The following KCNQ4 variants were observed in gnomAD, a reference collection of about 807,000 sequenced individuals.
KCNQ4 encodes the protein potassium voltage-gated channel subfamily Q member 4.
Under a neutral mutation model 72.6 loss-of-function variants are expected in KCNQ4, and 31 were observed. The observed-to-expected ratio is 0.43, with a 90% CI of 0.32 to 0.58. KCNQ4 has a LOEUF of 0.58. Among genes scored for constraint, KCNQ4 ranks in the 20% least tolerant of loss-of-function variants. The pLI, the probability that KCNQ4 is intolerant of heterozygous loss-of-function variation, is 0.08. For missense variants in KCNQ4, 869 were observed against 962.6 expected, an observed-to-expected ratio of 0.90 and a Z score of 1.29; for synonymous variants, 405 against 403.7, an observed-to-expected ratio of 1.00 and a Z score of -0.04.
rs1285597991 is a variant in KCNQ4 at position 40,794,493 on chromosome 1, GGTCGA to G, written c.314+10090_314+10094del. On this transcript the variant is annotated intron_variant, in intron 1 of 13. Transcript: ENST00000347132. The surrounding 1 kb of genome is among the most constrained non-coding windows in gnomAD (Gnocchi z 4.2). ...ATACTAAGTTACACAGCTTGTCTGTGGTCGAGTCAAGACTCAAACCCATGTCGGCA... is the reference window on the plus strand; with the variant it reads ...ATACTAAGTTACACAGCTTGTCTGTGGTCAAGACTCAAACCCATGTCGGCA... 6.6e-6 allele frequency among the ~76,000 whole-genome samples: 1 copy of G among 152,204 alleles called. No homozygotes were observed. Among genetic ancestry groups the G allele is most frequent in the African/African-American group, 2.4e-5 (1 of 41,446 alleles).
rs754165873 is a variant in KCNQ4 at position 40,824,167 on chromosome 1, C to T, written c.1201C>T (p.Arg401Trp). Residue 401 changes from arginine to tryptophan, a missense_variant, in exon 9 of 14, where the codon CGG becomes TGG. Coordinates refer to ENST00000347132, the MANE Select transcript of KCNQ4 (RefSeq NM_004700.4). The part of the protein sequence containing the change: ...NGGLRPLEVR[R>W]APVPDGAPSR... ...GGGCCTACGGCCCCTGGAGGTGCGGCGGGCGCCGGTACCCGACGGAGCACC... is the reference window on the plus strand; with the variant it reads ...GGGCCTACGGCCCCTGGAGGTGCGGTGGGCGCCGGTACCCGACGGAGCACC... 1.2e-5 allele frequency: 18 copies of T among 1,555,630 alleles called. No homozygotes were observed. Among genetic ancestry groups the T allele is most frequent in the East Asian group, 4.9e-5 (2 of 41,146 alleles).
rs1648107233 is a variant in KCNQ4, at chr1:40,817,083, G to T, written c.315-182G>T. 6.6e-6 allele frequency among the ~76,000 whole-genome samples: 1 copy of T among 152,258 alleles called. No homozygotes were observed. The highest frequency in any genetic ancestry group is 2.1e-4 in the South Asian group (1 of 4,836). On this transcript the variant is annotated intron_variant, in intron 1 of 13. Coordinates refer to ENST00000347132, the MANE Select transcript of KCNQ4 (RefSeq NM_004700.4). This position sits in a 1 kb window ranked among gnomAD's most constrained non-coding sequence, Gnocchi z 5.5. ...TGTGAGGTCCAGTAGCTTGGGGCTT[G>T]AGGGCTGCTGCCTTTGGTGCCCAGC... is the stretch of plus-strand genomic sequence containing the variant.
In KCNQ4 at chr1:40,820,232, G is replaced by A. The variant is rs191761250; in HGVS notation, c.1013G>A (p.Arg338Gln). The A allele has an allele frequency of 9.6e-5, 154 of 1,609,070 alleles. No homozygotes were observed. Among genetic ancestry groups the A allele is most frequent in the Admixed American group, 1.3e-4 (8 of 59,480 alleles). ...CACCGGCAGAAGCACTTCGAGAAGC[G>A]GAGGATGCCGGCAGCCAACCTCATC... is the stretch of plus-strand genomic sequence containing the variant. ...EQHRQKHFEKRRMPAANLIQA... is the reference protein window; with the variant it reads ...EQHRQKHFEKQRMPAANLIQA... Residue 338 changes from arginine (R) to glutamine (Q), a missense_variant, in exon 7 of 14, where the codon CGG (arginine) becomes CAG (glutamine). Arg to Gln is a conservative substitution (Grantham distance 43). Around this residue, in one of 5 missense-constraint regions of KCNQ4, gnomAD observed 19 missense variants for 26.4 expected, o/e 0.72. Transcript: ENST00000347132.
intron 9 of KCNQ4, among the ~76,000 whole-genome samples, chr1:40,826,164 C>T (rs180732780): frequency 6.6e-6 from 1 of 152,350 alleles, no homozygotes; most frequent in Admixed American, 6.5e-5. Context: ...TATACACACT[C>T]GGTTGGCCAC....
rs1292743227 is a variant in KCNQ4, at chr1:40,784,247, C to T, written c.154C>T (p.Leu52=). 4.4e-6 allele frequency: 6 copies of T among 1,372,470 alleles called. No individual in the cohort carries two copies. The South Asian group carries it at 8.3e-5, about 19-fold the overall frequency. The allele number at this position is 1,372,470 out of a possible 1,614,324, so 85.0% of individuals were successfully genotyped here. A position where few individuals can be genotyped will look rare whatever the true frequency, so the allele number is the denominator to read the frequency against. The change falls in exon 1 of 14, where the codon CTG becomes TTG. Residue 52 remains leucine (L), a synonymous_variant. Transcript: ENST00000347132. The surrounding 1 kb of genome is among the most constrained non-coding windows in gnomAD (Gnocchi z 4.1). ...CCGCCTCGGCCTCCTGGGCAGCCCCCTGCCGCCGGGCGCGCCCCTCCCTGG... is the reference window on the plus strand; with the variant it reads ...CCGCCTCGGCCTCCTGGGCAGCCCCTTGCCGCCGGGCGCGCCCCTCCCTGG... ...PRRLGLLGSP[L]PPGAPLPGPG... is the part of the protein sequence containing the mutation.
Position 40,794,905 on chromosome 1 carries a change from G to A in KCNQ4, c.314+10498G>A, listed in dbSNP as rs1647364541. 1.4e-5 allele frequency among the ~76,000 whole-genome samples: 2 copies of A among 143,170 alleles called. No homozygotes were observed. Among genetic ancestry groups the A allele is most frequent in the African/African-American group, 5.1e-5 (2 of 39,402 alleles). The allele number at this position is 143,170 out of a possible 152,430, so 93.9% of individuals were successfully genotyped here. On this transcript the variant is annotated intron_variant, in intron 1 of 13. Coordinates refer to ENST00000347132, the MANE Select transcript of KCNQ4 (RefSeq NM_004700.4). This position sits in a 1 kb window ranked among gnomAD's most constrained non-coding sequence, Gnocchi z 4.2. ...GGGACAGAGGGATCAGGGGACAGAG[G>A]AGCCTCAGGTCCCGCACTTTGCAGT... is the stretch of plus-strand genomic sequence containing the variant.
At chr1:40,785,838 G>C (rs919888207) in intron 1 of KCNQ4, among the ~76,000 whole-genome samples, 6 of 152,052 alleles carry the variant, frequency 3.9e-5, no homozygotes, top group African/African-American at 1.5e-4. Flanking sequence ...CACAGGGAGG[G>C]GCAGGGGGGG....
intron 9 of KCNQ4, among the ~76,000 whole-genome samples, chr1:40,827,701 T>A (rs1648523842): frequency 6.6e-6 from 1 of 152,316 alleles, no homozygotes; most frequent in East Asian, 1.9e-4. Context: ...TGTTTTTTCC[T>A]AGAAACGTGG....
intron 1 of KCNQ4, among the ~76,000 whole-genome samples, chr1:40,786,230 G>A (rs556764132): frequency 1.5e-4 from 23 of 152,252 alleles, no homozygotes; most frequent in African/African-American, 4.8e-4. Flanking sequence ...CTTTTCCAAG[G>A]CATGGCAGGG....
intron 10 of KCNQ4, among the ~76,000 whole-genome samples, chr1:40,832,672 G>T (rs1424768561): frequency 6.6e-6 from 1 of 152,170 alleles, no homozygotes; most frequent in Non-Finnish European, 1.5e-5. Flanking sequence ...TTATCTCTGG[G>T]GCTCACTGTT....
At chr1:40,837,984 C>T (rs1192618472) in intron 13 of KCNQ4, among the ~76,000 whole-genome samples, 190 bp downstream of exon 13, 2 of 151,878 alleles carry the variant, frequency 1.3e-5, no homozygotes, top group Non-Finnish European at 2.9e-5. Flanking sequence ...CCTGCTAAGC[C>T]CCGCCCCCAG....
Position 40,788,716 on chromosome 1 carries a change from G to A in KCNQ4, c.314+4309G>A, listed in dbSNP as rs544979708. ...AACAGCACTCCTGTGTCATCTGTCC[G>A]TCCATCCCAGCACCCCGCACACAGT... On this transcript the variant is annotated intron_variant, in intron 1 of 13. Transcript: ENST00000347132. This position sits in a 1 kb window ranked among gnomAD's most constrained non-coding sequence, Gnocchi z 4.5. 4.6e-5 allele frequency among the ~76,000 whole-genome samples: 7 copies of A among 152,280 alleles called. No individual in the cohort carries two copies. In the South Asian group the frequency reaches 1.4e-3, roughly 32 times the overall value.
At chr1:40,819,573 C>T (rs1353252919) in intron 5 of KCNQ4, 101 bp downstream of exon 5, 99 of 1,474,960 alleles carry the variant, frequency 6.7e-5, no homozygotes, top group Non-Finnish European at 8.7e-5. Flanking sequence ...GTTGAGCGGG[C>T]CTGCCCCTGC....
chr1:40,833,671 G>T (rs1313888909), intron 11 of KCNQ4, among the ~76,000 whole-genome samples: 1 of 151,800 alleles, frequency 6.6e-6, no homozygotes, highest in Non-Finnish European at 1.5e-5. Flanking sequence ...TGATACACCT[G>T]CCCACAAGCC....
chr1:40,796,010 G>GA (rs1220050595), intron 1 of KCNQ4, among the ~76,000 whole-genome samples: 1 of 152,196 alleles, frequency 6.6e-6, no homozygotes, highest in African/African-American at 2.4e-5. Flanking sequence ...GCTTAAAGGT[G>GA]AAACACTGCC....
At chr1:40,815,533 A>G (rs1446914726) in intron 1 of KCNQ4, among the ~76,000 whole-genome samples, 1 of 152,182 alleles carries the variant, frequency 6.6e-6, no homozygotes, top group African/African-American at 2.4e-5. Flanking sequence ...ATTATTGAAC[A>G]TGAGGAGCTG....
At chr1:40,786,905 G>T (rs1171068207) in intron 1 of KCNQ4, among the ~76,000 whole-genome samples, 3 of 152,108 alleles carry the variant, frequency 2.0e-5, no homozygotes, top group Non-Finnish European at 2.9e-5. Flanking sequence ...GCAGGGTCTT[G>T]CCAGGAAGTA....
intron 9 of KCNQ4, among the ~76,000 whole-genome samples, chr1:40,827,691 T>C (rs1311481107): frequency 3.9e-5 from 6 of 151,970 alleles, no homozygotes. Flanking sequence ...TGCTGAGAGG[T>C]GTTTTTTCCT....
chr1:40,807,370 A>G (rs970340314), intron 1 of KCNQ4, among the ~76,000 whole-genome samples: 2 of 152,144 alleles, frequency 1.3e-5, no homozygotes, highest in Non-Finnish European at 2.9e-5. Context: ...TCAGGGCCCC[A>G]TTGCAATTTC....
Sources: allele counts gnomAD v4.1 joint callset (sites outside exome capture counted in the v4.1 genomes callset), GRCh38; gene constraint gnomAD v4.1.1; regional missense constraint gnomAD v4.1.1; non-coding constraint Gnocchi (gnomAD v3.1); transcripts MANE v1.5; gene names NCBI Gene and HGNC (gene_info 2026-07-23, HGNC 2026-07-21).